The following C8B variants were observed in gnomAD, a reference collection of about 807,000 sequenced individuals.
The protein encoded by C8B is complement component C8 beta chain.
In C8B, 67 loss-of-function variants were observed where a neutral mutation model predicts 64.6. The observed-to-expected ratio is 1.04, with a 90% confidence interval of 0.85 to 1.27. The LOEUF (loss-of-function observed/expected upper bound fraction) is 1.27, where lower values mean the gene tolerates loss of function less well. Ranked by LOEUF, C8B falls within the 50% of genes most tolerant of loss-of-function variation. C8B has a pLI of 0.00. For missense variants in C8B, 790 were observed against 725.2 expected, an observed-to-expected ratio of 1.09 and a Z score of -1.03; for synonymous variants, 284 against 257.7, an observed-to-expected ratio of 1.10 and a Z score of -0.98.
Position 56,956,897 on chromosome 1 carries a change from T to G in C8B, c.263A>C (p.Tyr88Ser), listed in dbSNP as rs987826628. The G allele has an allele frequency of 6.2e-7, 1 of 1,614,086 alleles. No homozygotes were observed. The highest frequency in any genetic ancestry group is 8.5e-7 in the Non-Finnish European group (1 of 1,179,978). ...PCQKKRYRYAYLLQPSQFHGE... is the reference protein window; with the variant it reads ...PCQKKRYRYASLLQPSQFHGE... ...ATGGAACTGAGAGGGCTGGAGCAAG[T>G]AGGCATACCTGTACTGTAGCAGAGA... is the stretch of plus-strand genomic sequence containing the variant. The change falls in exon 3 of 12, where the codon TAC (tyrosine) becomes TCC (serine). Residue 88 changes from tyrosine to serine, a missense_variant. Physicochemically the swap from Tyr to Ser is moderately radical, Grantham distance 144. Transcript: ENST00000371237.
At chr1:56,938,215 G>A (rs1305327434) in intron 9 of C8B, among the ~76,000 whole-genome samples, 1 of 152,104 alleles carries the variant, frequency 6.6e-6, no homozygotes, top group Non-Finnish European at 1.5e-5. Context: ...TTTCTTTTCT[G>A]CCATTGTTTT....
rs199673976 is a variant in C8B at position 56,940,909 on chromosome 1, C to T, written c.1338G>A (p.Ala446=). 1.7e-4 allele frequency: 267 copies of T among 1,614,068 alleles called. No individual in the cohort carries two copies. Among genetic ancestry groups the T allele is most frequent in the Middle Eastern group, 8.2e-4 (5 of 6,062 alleles). The change falls in exon 9 of 12, where the codon GCG becomes GCA. Residue 446 remains alanine, a synonymous_variant. Transcript: ENST00000371237. ...CGTCTCCCCACTCCTGCATCAGGTC[C>T]GCCGTCGGCAGCTCCTGGTATGCCA... is the stretch of plus-strand genomic sequence containing the variant. ...TTLAYQELPT[A]DLMQEWGDAV...
intron 1 of C8B, among the ~76,000 whole-genome samples, chr1:56,962,727 C>T (rs1645195570): frequency 6.6e-6 from 1 of 152,220 alleles, no homozygotes; most frequent in Non-Finnish European, 1.5e-5. Context: ...TTACAGCAGC[C>T]TCGATTTTGC....
At chr1:56,965,267 T>C (rs1645236761) in intron 1 of C8B, among the ~76,000 whole-genome samples, 1 of 152,236 alleles carries the variant, frequency 6.6e-6, no homozygotes, top group East Asian at 1.9e-4. Flanking sequence ...GAGCCCAAGT[T>C]TGAGCTCCCA....
intron 8 of C8B, 48 bp downstream of exon 8, chr1:56,943,648 G>C (rs755834355): frequency 6.2e-7 from 1 of 1,610,350 alleles, no homozygotes. Context: ...AGAGGCACTA[G>C]GAGGATAAAC....
At chr1:56,941,325 TA>T (rs1466504555) in intron 8 of C8B, among the ~76,000 whole-genome samples, 1 of 152,054 alleles carries the variant, frequency 6.6e-6, no homozygotes, top group Non-Finnish European at 1.5e-5. Flanking sequence ...AATAAATAGA[TA>T]ATAGGTAGGT....
chr1:56,933,479 G>C lies in C8B; in HGVS notation c.1408C>G (p.Leu470Val), dbSNP rs765845132. 9.9e-6 allele frequency: 16 copies of C among 1,613,650 alleles called. No individual in the cohort carries two copies. The South Asian group carries it at 1.5e-4, about 16-fold the overall frequency. ...PAIIKVKVEPLYELVTATDFA... is the reference protein window; with the variant it reads ...PAIIKVKVEPVYELVTATDFA... Reference sequence around the variant, plus strand: ...TCTGTGGCTGTCACTAGTTCATACAGAGGCTCCACCTGGAAAGGGAAAAGG... The same window carrying C: ...TCTGTGGCTGTCACTAGTTCATACACAGGCTCCACCTGGAAAGGGAAAAGG... Residue 470 changes from leucine to valine, a missense_variant, in exon 10 of 12, where the codon CTG becomes GTG. Physicochemically the swap from Leu to Val is conservative, Grantham distance 32 (BLOSUM62 1). Coordinates refer to ENST00000371237, the MANE Select transcript of C8B (RefSeq NM_000066.4).
At chr1:56,931,165 A>G (rs966796342) in intron 11 of C8B, among the ~76,000 whole-genome samples, 6 of 152,220 alleles carry the variant, frequency 3.9e-5, no homozygotes, top group African/African-American at 1.4e-4. Context: ...AGAGGAGTGA[A>G]AGATTGAGAG....
chr1:56,951,900 G>T, intron 5 of C8B, 148 bp downstream of exon 5: 1 of 818,422 alleles, frequency 1.2e-6, no homozygotes, highest in Non-Finnish European at 2.0e-6. Flanking sequence ...TCACCACAAT[G>T]TCTGGAGGAA....
At chr1:56,954,913 C>A in intron 3 of C8B, 86 bp from the exon 4 acceptor site, 1 of 1,532,344 alleles carries the variant, frequency 6.5e-7, no homozygotes, top group East Asian at 2.3e-5. Context: ...AAGTGCCAGA[C>A]CTTTTGTCAG....
intron 1 of C8B, among the ~76,000 whole-genome samples, chr1:56,963,414 G>T (rs1029503198): frequency 2.0e-5 from 3 of 152,104 alleles, no homozygotes; most frequent in African/African-American, 7.2e-5. Flanking sequence ...CTTTTTCTTT[G>T]CTAGAAGGGG....
At chr1:56,939,858 T>C (rs1312566113) in intron 9 of C8B, among the ~76,000 whole-genome samples, 2 of 152,138 alleles carry the variant, frequency 1.3e-5, no homozygotes, top group South Asian at 2.1e-4. Flanking sequence ...AACCACAATA[T>C]GGAGATAAGA....
At chr1:56,965,562 T>A (rs1184405655) in intron 1 of C8B, among the ~76,000 whole-genome samples, 1 of 152,166 alleles carries the variant, frequency 6.6e-6, no homozygotes. Flanking sequence ...TTCTTTTTCA[T>A]AAAGAATCAC....
chr1:56,962,707 C>T (rs750377174), intron 1 of C8B, among the ~76,000 whole-genome samples: 3 of 152,224 alleles, frequency 2.0e-5, no homozygotes, highest in South Asian at 4.1e-4. Flanking sequence ...TTAATTTTGA[C>T]ATCTGCATTT....
chr1:56,939,692 G>T (rs1644823069), intron 9 of C8B, among the ~76,000 whole-genome samples: 1 of 152,300 alleles, frequency 6.6e-6, no homozygotes. Flanking sequence ...AACTCCTCTA[G>T]TTTGGGTGAC....
At position 56,965,979 on chromosome 1, in the gene C8B, G is replaced by A. The variant is rs1479752939; in HGVS notation, c.-31C>T. 6.2e-7 allele frequency: 1 copy of A among 1,613,024 alleles called. No individual in the cohort carries two copies. The highest frequency in any genetic ancestry group is 8.5e-7 in the Non-Finnish European group (1 of 1,179,986). On this transcript the variant is annotated 5_prime_UTR_variant, in exon 1 of 12. Transcript: ENST00000371237. ...CAATGTGACAGGAGATGCCACAGAG[G>A]CTGCTAGACCCATAACAAGCCTGTG...
At chr1:56,948,478 A>G (rs1644975097) in intron 6 of C8B, among the ~76,000 whole-genome samples, 2 of 152,166 alleles carry the variant, frequency 1.3e-5, no homozygotes, top group South Asian at 4.2e-4. Context: ...GGAAGAAGAC[A>G]TTGCCTTGGA....
Position 56,965,575 on chromosome 1 carries a change from G to A in C8B, c.92+282C>T, listed in dbSNP as rs557605950. On this transcript the variant is annotated intron_variant, in intron 1 of 11. Transcript: ENST00000371237. ...CTTTCTTTTTCATAAAGAATCACAC[G>A]GAGGCTTTGTTCAGAATACAGAAAA... is the stretch of plus-strand genomic sequence containing the variant. Among the ~76,000 whole-genome samples, 7 of 152,144 alleles carry A rather than the reference G, an allele frequency of 4.6e-5. No individual in the cohort carries two copies. In the East Asian group the frequency reaches 9.6e-4, roughly 21 times the overall value.
chr1:56,959,264 G>A (rs1382637320), intron 2 of C8B, among the ~76,000 whole-genome samples: 1 of 152,188 alleles, frequency 6.6e-6, no homozygotes, highest in Non-Finnish European at 1.5e-5. Flanking sequence ...CCAGAGATTG[G>A]TCTACACATT....
Sources: gnomAD v4.1 joint callset for allele counts (sites outside exome capture counted in the v4.1 genomes callset) on GRCh38, gnomAD v4.1.1 for gene constraint, MANE v1.5 for transcripts, NCBI Gene and HGNC (gene_info 2026-07-23, HGNC 2026-07-21) for gene names.